CAST: variants seen among roughly 807,000 people sequenced by gnomAD.
CAST encodes the protein calpastatin.
Under a neutral mutation model 119.6 loss-of-function variants are expected in CAST, and 76 were observed. The observed-to-expected ratio is 0.64, with a 90% CI of 0.53 to 0.77. The LOEUF (loss-of-function observed/expected upper bound fraction) is 0.77. Among genes scored for constraint, CAST ranks in the 30% least tolerant of loss-of-function variants. The pLI, the probability that CAST is intolerant of heterozygous loss-of-function variation, is 0.00. For missense variants in CAST, 953 were observed against 946.5 expected, an observed-to-expected ratio of 1.01 and a Z score of -0.09; for synonymous variants, 319 against 331.6, an observed-to-expected ratio of 0.96 and a Z score of 0.41.
chr5:96,327,762 C>A, the CAST span, among the ~76,000 whole-genome samples: 11 of 152,130 alleles, frequency 7.2e-5, no homozygotes. Context: ...ATCAGAAGAG[C>A]GATTCAACAA....
chr5:96,326,695 A>ATTTTTTTTT, the CAST span, among the ~76,000 whole-genome samples: 16 of 95,738 alleles, frequency 1.7e-4, no homozygotes, highest in East Asian at 3.1e-4. Flanking sequence ...ATGGCTTTTC[A>ATTTTTTTTT]TTTTTTTTTT....
At chr5:96,732,029 G>A (rs555333109) in intron 9 of CAST, among the ~76,000 whole-genome samples, 70 of 151,638 alleles carry the variant, frequency 4.6e-4, no homozygotes, top group Admixed American at 2.4e-3. Flanking sequence ...GTAATGGGAT[G>A]GCTAGGTCAA....
chr5:96,456,635 G>T, the CAST span, among the ~76,000 whole-genome samples: 1 of 152,202 alleles, frequency 6.6e-6, no homozygotes, highest in African/African-American at 2.4e-5. Flanking sequence ...TGCCTACCCT[G>T]TACCAGGCAC....
At chr5:96,001,896 G>A in the CAST span, among the ~76,000 whole-genome samples, 1 of 152,150 alleles carries the variant, frequency 6.6e-6, no homozygotes, top group Non-Finnish European at 1.5e-5. Context: ...CAGACACTGA[G>A]CCTATGGCTT....
the CAST span, among the ~76,000 whole-genome samples, chr5:96,054,673 C>T: frequency 6.6e-6 from 1 of 152,078 alleles, no homozygotes; most frequent in Non-Finnish European, 1.5e-5. Flanking sequence ...GAGGAACATA[C>T]AATATTGCCG....
chr5:96,492,017 A>G, the CAST span, among the ~76,000 whole-genome samples: 4 of 152,114 alleles, frequency 2.6e-5, no homozygotes, highest in African/African-American at 9.7e-5. Flanking sequence ...GCACAGGGGG[A>G]CTCTGGGATG....
At chr5:96,679,523 T>C (rs973303932) in intron 2 of CAST, 3 of 152,218 alleles carry the variant, frequency 2.0e-5, no homozygotes, top group African/African-American at 7.2e-5. Context: ...GTGAATCTTT[T>C]AGCAACATAT....
At chr5:96,328,202 A>G in the CAST span, among the ~76,000 whole-genome samples, 1 of 152,210 alleles carries the variant, frequency 6.6e-6, no homozygotes, top group Non-Finnish European at 1.5e-5. Context: ...TTAAAAACTC[A>G]TGGCATCTGT....
chr5:96,115,314 C>A, the CAST span, among the ~76,000 whole-genome samples: 1 of 152,282 alleles, frequency 6.6e-6, no homozygotes, highest in East Asian at 1.9e-4. Context: ...TCAAAACAAA[C>A]AATAAAAACA....
intron 1 of CAST, among the ~76,000 whole-genome samples, chr5:96,576,694 T>G (rs919338988): frequency 2.0e-5 from 3 of 152,148 alleles, no homozygotes; most frequent in African/African-American, 7.2e-5. Context: ...TCATTTTTTT[T>G]AAATGTTGTA....
At chr5:96,127,898 C>A in the CAST span, among the ~76,000 whole-genome samples, 1 of 151,950 alleles carries the variant, frequency 6.6e-6, no homozygotes, top group East Asian at 1.9e-4. Flanking sequence ...GTGCCTCATG[C>A]GACTGAACTA....
chr5:96,709,263 G>A (rs940527677), intron 3 of CAST, among the ~76,000 whole-genome samples: 2 of 152,238 alleles, frequency 1.3e-5, no homozygotes, highest in South Asian at 4.1e-4. Flanking sequence ...GATCAGTTCT[G>A]AGTAGCTTCT....
At chr5:96,102,680 C>A in the CAST span, among the ~76,000 whole-genome samples, 1 of 151,558 alleles carries the variant, frequency 6.6e-6, no homozygotes, top group Non-Finnish European at 1.5e-5. Context: ...TCTTGCCTAA[C>A]CAGCATTGTT....
At chr5:96,433,848 C>T in the CAST span, among the ~76,000 whole-genome samples, 7 of 152,212 alleles carry the variant, frequency 4.6e-5, no homozygotes, top group African/African-American at 1.7e-4. Flanking sequence ...TTACTTCCCT[C>T]CTCCCCTTTG....
At chr5:96,172,180 G>T in the CAST span, among the ~76,000 whole-genome samples, 6,789 of 152,260 alleles carry the variant, frequency 0.045, 388 homozygotes, top group African/African-American at 0.13. Flanking sequence ...GGATCACAAG[G>T]TGCTCAGTTG....
At chr5:96,089,421 AT>A in the CAST span, among the ~76,000 whole-genome samples, 1 of 152,330 alleles carries the variant, frequency 6.6e-6, no homozygotes, top group African/African-American at 2.4e-5. Context: ...TTTATATAGT[AT>A]TGTTTACAAA....
chr5:96,695,777 A>G, intron 2 of CAST, 59 bp from the exon 3 acceptor site: 2 of 1,112,836 alleles, frequency 1.8e-6, no homozygotes, highest in African/African-American at 1.5e-5. Flanking sequence ...GTAAGTTTGC[A>G]TTTGACTACA....
At chr5:96,311,119 T>C in the CAST span, among the ~76,000 whole-genome samples, 3 of 152,222 alleles carry the variant, frequency 2.0e-5, no homozygotes, top group African/African-American at 7.2e-5. Flanking sequence ...CATTTTTATA[T>C]GTTGTGTCTC....
chr5:96,342,889 C>A, the CAST span, among the ~76,000 whole-genome samples: 4 of 152,090 alleles, frequency 2.6e-5, no homozygotes, highest in Non-Finnish European at 5.9e-5. Context: ...ATTTTTGGTA[C>A]CGCATAAGTT....
Sources: allele counts gnomAD v4.1 joint callset (sites outside exome capture counted in the v4.1 genomes callset), GRCh38; gene constraint gnomAD v4.1.1; transcripts MANE v1.5; gene names NCBI Gene and HGNC (gene_info 2026-07-23, HGNC 2026-07-21).